Variants in GTF2IRD1 observed in about 807,000 individuals in gnomAD.
The protein encoded by GTF2IRD1 is GTF2I repeat domain containing 1.
A neutral mutation model predicts 113.2 loss-of-function variants in GTF2IRD1; 26 were observed. The ratio of observed to expected loss-of-function variants is 0.23; its 90% CI spans 0.17 to 0.32. GTF2IRD1 has a LOEUF of 0.32. Ranked by LOEUF, GTF2IRD1 falls within the 10% of genes least tolerant of loss-of-function variation. GTF2IRD1 has a pLI of 1.00. For missense variants in GTF2IRD1, 864 were observed against 1,280.8 expected, an observed-to-expected ratio of 0.67 and a Z score of 4.97; for synonymous variants, 484 against 529.1, an observed-to-expected ratio of 0.91 and a Z score of 1.17.
intron 22 of GTF2IRD1, among the ~76,000 whole-genome samples, chr7:74,570,830 C>G (rs1260689990): frequency 1.3e-5 from 2 of 152,106 alleles, no homozygotes; most frequent in Admixed American, 6.6e-5. Context: ...GACAAGAGAG[C>G]CCTGCCGGTT....
At chr7:74,533,529 C>T (rs1022678086) in intron 9 of GTF2IRD1, among the ~76,000 whole-genome samples, 1 of 152,194 alleles carries the variant, frequency 6.6e-6, no homozygotes, top group African/African-American at 2.4e-5. Context: ...ATAATCTGAC[C>T]TTGTCATGAC....
intron 1 of GTF2IRD1, among the ~76,000 whole-genome samples, chr7:74,472,469 G>A (rs540337313): frequency 1.3e-5 from 2 of 152,286 alleles, no homozygotes; most frequent in South Asian, 4.1e-4. Context: ...ACATCTGGCC[G>A]GGCACAGTGG....
In GTF2IRD1 at chr7:74,555,207, C is replaced by T. The variant is rs782437518; in HGVS notation, c.1950C>T (p.Pro650=). ...PELLTEGVKE[P]IMDSQERDSG... is the part of the protein sequence containing the mutation. ...TGCTCACTGAGGGAGTCAAAGAGCC[C>T]ATCATGGATAGTCAAGGTACCCAGC... is the stretch of plus-strand genomic sequence containing the variant. Residue 650 remains proline, a synonymous_variant, in exon 18 of 27, where the codon CCC becomes CCT. Coordinates refer to ENST00000424337, the MANE Select transcript of GTF2IRD1 (RefSeq NM_005685.4). This position sits in a 1 kb window ranked among gnomAD's most constrained non-coding sequence, Gnocchi z 5.3. 7 of 1,613,716 alleles carry T rather than the reference C, an allele frequency of 4.3e-6. No individual in the cohort carries two copies. In the African/African-American group the frequency reaches 8.0e-5, roughly 18 times the overall value.
intron 1 of GTF2IRD1, among the ~76,000 whole-genome samples, chr7:74,502,938 G>T (rs982740787): frequency 6.6e-6 from 1 of 152,128 alleles, no homozygotes; most frequent in Admixed American, 6.5e-5. Context: ...AGGCCGAGGC[G>T]GGCGGATCAC....
intron 1 of GTF2IRD1, among the ~76,000 whole-genome samples, chr7:74,460,384 C>G (rs1186341723): frequency 2.6e-5 from 4 of 151,928 alleles, no homozygotes; most frequent in Non-Finnish European, 4.4e-5. Flanking sequence ...GATCCTCCCA[C>G]CTCAGCCTCT....
At chr7:74,483,932 C>T (rs1271380142) in intron 1 of GTF2IRD1, among the ~76,000 whole-genome samples, 1 of 152,050 alleles carries the variant, frequency 6.6e-6, no homozygotes, top group Non-Finnish European at 1.5e-5. Flanking sequence ...CACTTCTGCT[C>T]TGCCTGAATT....
intron 1 of GTF2IRD1, among the ~76,000 whole-genome samples, chr7:74,504,705 C>CTTT (rs561437934): frequency 8.6e-6 from 1 of 116,156 alleles, no homozygotes; most frequent in Non-Finnish European, 1.8e-5. Flanking sequence ...AGAATTTTTA[C>CTTT]TTTTTTTTTT....
intron 1 of GTF2IRD1, among the ~76,000 whole-genome samples, chr7:74,494,528 C>T (rs1207088406): frequency 6.6e-6 from 1 of 152,214 alleles, no homozygotes; most frequent in African/African-American, 2.4e-5. Flanking sequence ...GCGCTGCCCA[C>T]ACATTCTGTT....
chr7:74,523,884 G>A (rs1554346559), intron 7 of GTF2IRD1, among the ~76,000 whole-genome samples, 187 bp from the exon 8 acceptor site: 3 of 152,150 alleles, frequency 2.0e-5, no homozygotes, highest in Admixed American at 6.5e-5. Flanking sequence ...GGGCAGGAAC[G>A]GGCAGACGGG....
chr7:74,474,021 C>T (rs1201596976), intron 1 of GTF2IRD1, among the ~76,000 whole-genome samples: 2 of 150,964 alleles, frequency 1.3e-5, no homozygotes, highest in Non-Finnish European at 2.9e-5. Context: ...GTCAGGAGTT[C>T]GAGACCAGGC....
chr7:74,521,260 C>T lies in GTF2IRD1; in HGVS notation c.969C>T (p.Ser323=). The T allele has an allele frequency of 6.2e-7, 1 of 1,611,760 alleles. No individual in the cohort carries two copies. The highest frequency in any genetic ancestry group is 8.5e-7 in the Non-Finnish European group (1 of 1,178,130). The change falls in exon 7 of 27, where the codon TCC becomes TCT. Residue 323 remains serine, a synonymous_variant. Coordinates refer to ENST00000424337, the MANE Select transcript of GTF2IRD1 (RefSeq NM_005685.4). ...GGPLIQNVHA[S]KRILFSIVHD... Reference sequence around the variant, plus strand: ...CTCTCATCCAGAACGTCCATGCCTCCAAGCGCATTCTCTTCTCCATCGTCC... The same window carrying T: ...CTCTCATCCAGAACGTCCATGCCTCTAAGCGCATTCTCTTCTCCATCGTCC...
intron 22 of GTF2IRD1, among the ~76,000 whole-genome samples, chr7:74,561,362 A>G: frequency 6.7e-6 from 1 of 149,576 alleles, no homozygotes; most frequent in South Asian, 2.1e-4. Flanking sequence ...AAAAAAAAAA[A>G]AAAGAACTTA....
At chr7:74,478,170 C>T (rs1284483258) in intron 1 of GTF2IRD1, among the ~76,000 whole-genome samples, 1 of 152,226 alleles carries the variant, frequency 6.6e-6, no homozygotes, top group Non-Finnish European at 1.5e-5. Context: ...GCCAAGCCTG[C>T]ATTTCCCACC....
chr7:74,596,771 T>C (rs1718999666), intron 25 of GTF2IRD1, among the ~76,000 whole-genome samples: 1 of 152,174 alleles, frequency 6.6e-6, no homozygotes, highest in South Asian at 2.1e-4. Flanking sequence ...CTGGGCAACG[T>C]AGTGAGATCT....
intron 1 of GTF2IRD1, among the ~76,000 whole-genome samples, chr7:74,493,662 T>G (rs185229276): frequency 4.3e-4 from 66 of 152,132 alleles, no homozygotes; most frequent in Non-Finnish European, 8.1e-4. Flanking sequence ...GCCGGCCAGG[T>G]AAAGGAGACA....
At chr7:74,517,434 T>C (rs1554344900) in intron 4 of GTF2IRD1, among the ~76,000 whole-genome samples, 3 of 139,596 alleles carry the variant, frequency 2.1e-5, no homozygotes, top group Admixed American at 7.1e-5. Flanking sequence ...CACCTTTTTT[T>C]TTTTTTTTTT....
chr7:74,587,739 G>A (rs1342531719), intron 22 of GTF2IRD1, among the ~76,000 whole-genome samples: 6 of 152,006 alleles, frequency 3.9e-5, no homozygotes, highest in East Asian at 1.9e-4. Context: ...CCCATCTCCA[G>A]CCCAACCCCC....
At chr7:74,560,046 G>A (rs1583887331) in intron 22 of GTF2IRD1, among the ~76,000 whole-genome samples, 1 of 152,222 alleles carries the variant, frequency 6.6e-6, no homozygotes. Context: ...CTCCCAAAGC[G>A]TTGGGATTAC....
intron 1 of GTF2IRD1, among the ~76,000 whole-genome samples, chr7:74,458,764 C>A (rs964251352): frequency 6.6e-5 from 10 of 151,826 alleles, no homozygotes; most frequent in Admixed American, 5.9e-4. Context: ...AAGTGATTCT[C>A]GTGCCTCAGC....
Sources: allele counts gnomAD v4.1 joint callset (sites outside exome capture counted in the v4.1 genomes callset), GRCh38; gene constraint gnomAD v4.1.1; non-coding constraint Gnocchi (gnomAD v3.1); transcripts MANE v1.5; gene names NCBI Gene and HGNC (gene_info 2026-07-23, HGNC 2026-07-21).